The following VEPH1 variants were observed in gnomAD, a reference collection of about 807,000 sequenced individuals.
The protein encoded by VEPH1 is ventricular zone-expressed PH domain-containing protein homolog 1.
A neutral mutation model predicts 85.2 loss-of-function variants in VEPH1; 80 were observed. The ratio of observed to expected loss-of-function variants is 0.94; its 90% CI spans 0.78 to 1.13. The LOEUF (loss-of-function observed/expected upper bound fraction) is 1.13, where lower values mean the gene tolerates loss of function less well. Ranked by LOEUF, VEPH1 falls within the 50% of genes most tolerant of loss-of-function variation. The pLI, the probability that VEPH1 is intolerant of heterozygous loss-of-function variation, is 0.00. For synonymous variants in VEPH1, 297 were observed against 348.0 expected (o/e 0.85, Z 1.63); for missense variants, 955 against 980.5 (o/e 0.97, Z 0.35).
intron 6 of VEPH1, among the ~76,000 whole-genome samples, chr3:157,408,948 G>A (rs1731336281): frequency 6.6e-6 from 1 of 152,084 alleles, no homozygotes; most frequent in Non-Finnish European, 1.5e-5. Context: ...ATAACCCATA[G>A]GCAGTGGATG....
At chr3:157,424,725 G>C (rs1293744270) in intron 5 of VEPH1, among the ~76,000 whole-genome samples, 1 of 152,178 alleles carries the variant, frequency 6.6e-6, no homozygotes, top group Non-Finnish European at 1.5e-5. Context: ...ATTATTAAGG[G>C]TATCTGGCAA....
At chr3:157,442,298 A>G (rs1008812099) in intron 4 of VEPH1, 31 of 1,325,392 alleles carry the variant, frequency 2.3e-5, no homozygotes, top group Non-Finnish European at 3.0e-5. Context: ...TTAAATAACT[A>G]ATGCCAGAAT....
At chr3:157,432,335 C>A (rs1221815049) in intron 4 of VEPH1, among the ~76,000 whole-genome samples, 1 of 151,930 alleles carries the variant, frequency 6.6e-6, no homozygotes, top group African/African-American at 2.4e-5. Flanking sequence ...CAACTGTTTT[C>A]ATTTTTTTAC....
intron 2 of VEPH1, chr3:157,489,099 T>C (rs948327515): frequency 6.6e-6 from 3 of 456,366 alleles, no homozygotes; most frequent in East Asian, 7.0e-5. Context: ...CTTCTTCTTA[T>C]CTGAATTATT....
intron 11 of VEPH1, among the ~76,000 whole-genome samples, chr3:157,297,859 A>G (rs1718328852): frequency 6.6e-6 from 1 of 152,202 alleles, no homozygotes; most frequent in Admixed American, 6.5e-5. Context: ...GAGACGGGAA[A>G]TAACAAGGTG....
At chr3:157,493,208 G>A (rs1339575812) in intron 2 of VEPH1, 2 of 455,702 alleles carry the variant, frequency 4.4e-6, no homozygotes, top group South Asian at 1.6e-5. Context: ...CATTGCAAGT[G>A]CAGGAGAAGC....
chr3:157,493,517 A>T (rs1379450941), intron 2 of VEPH1, among the ~76,000 whole-genome samples: 6 of 152,194 alleles, frequency 3.9e-5, no homozygotes, highest in Non-Finnish European at 8.8e-5. Context: ...ATTACAAGCT[A>T]CCATTCTTCT....
At chr3:157,310,113 T>C (rs1719948751) in intron 11 of VEPH1, among the ~76,000 whole-genome samples, 1 of 152,236 alleles carries the variant, frequency 6.6e-6, no homozygotes, top group Non-Finnish European at 1.5e-5. Flanking sequence ...TTGAATTTTA[T>C]AATGAAAATT....
chr3:157,306,537 G>A (rs1050101416), intron 11 of VEPH1, among the ~76,000 whole-genome samples: 2 of 150,744 alleles, frequency 1.3e-5, no homozygotes, highest in African/African-American at 4.9e-5. Context: ...ATACCACAAC[G>A]TTTTTTTTCC....
chr3:157,440,618 A>C (rs1426018493), intron 4 of VEPH1, among the ~76,000 whole-genome samples: 3 of 152,116 alleles, frequency 2.0e-5, no homozygotes, highest in Non-Finnish European at 4.4e-5. Context: ...ATTTATATAC[A>C]TATATGTATG....
chr3:157,434,821 C>T (rs543610019), intron 4 of VEPH1, among the ~76,000 whole-genome samples: 111 of 151,914 alleles, frequency 7.3e-4, no homozygotes, highest in African/African-American at 2.2e-3. Context: ...ACCTTCTATT[C>T]GGATGCCTAT....
At chr3:157,353,643 A>G (rs1032369476) in intron 9 of VEPH1, among the ~76,000 whole-genome samples, 1 of 151,590 alleles carries the variant, frequency 6.6e-6, no homozygotes, top group African/African-American at 2.4e-5. Flanking sequence ...CTCCCTCCAA[A>G]TTTGTACATA....
intron 4 of VEPH1, among the ~76,000 whole-genome samples, chr3:157,451,444 T>A (rs1047552092): frequency 6.6e-6 from 1 of 152,138 alleles, no homozygotes; most frequent in Non-Finnish European, 1.5e-5. Flanking sequence ...TCTAAACAAC[T>A]TGAATAAAAT....
At position 157,275,679 on chromosome 3, in the gene VEPH1, C is replaced by A. The variant is rs1406766666; in HGVS notation, c.2129-10017G>T. Among the ~76,000 whole-genome samples, 3 of 151,982 alleles carry A rather than the reference C, an allele frequency of 2.0e-5. No individual in the cohort carries two copies. The East Asian group carries it at 5.8e-4, about 29-fold the overall frequency. ...GATTAGATATTGAAATATAAATTAA[C>A]TCCAAATTCTTAGTTTTTAAGTAAG... On this transcript the variant is annotated intron_variant, in intron 12 of 13. Coordinates refer to ENST00000362010, the MANE Select transcript of VEPH1 (RefSeq NM_001167912.2).
At chr3:157,291,672 G>A (rs547548504) in intron 11 of VEPH1, among the ~76,000 whole-genome samples, 1 of 152,268 alleles carries the variant, frequency 6.6e-6, no homozygotes, top group African/African-American at 2.4e-5. Context: ...AGCTTCTTCT[G>A]GTGTGATGTT....
chr3:157,419,041 T>C (rs753786342), intron 5 of VEPH1, among the ~76,000 whole-genome samples: 13 of 152,082 alleles, frequency 8.5e-5, no homozygotes, highest in Non-Finnish European at 1.6e-4. Flanking sequence ...TCCACAACTA[T>C]CTGATCTTCA....
intron 12 of VEPH1, among the ~76,000 whole-genome samples, chr3:157,270,097 A>G (rs1027884717): frequency 6.6e-6 from 1 of 152,028 alleles, no homozygotes; most frequent in Non-Finnish European, 1.5e-5. Context: ...CTACAGAAAA[A>G]TAAAATAAAA....
chr3:157,390,861 G>A (rs547876863), intron 6 of VEPH1, among the ~76,000 whole-genome samples: 11 of 152,350 alleles, frequency 7.2e-5, no homozygotes, highest in African/African-American at 2.4e-4. Context: ...AGCCAGAGCT[G>A]TGACACGCTG....
At chr3:157,360,438 TTC>T (rs2108759424) in intron 9 of VEPH1, among the ~76,000 whole-genome samples, 1 of 152,296 alleles carries the variant, frequency 6.6e-6, no homozygotes, top group South Asian at 2.1e-4. Context: ...AAAGAAAGTA[TTC>T]TTTTTTTTTA....
Sources: gnomAD v4.1 joint callset for allele counts (sites outside exome capture counted in the v4.1 genomes callset) on GRCh38, gnomAD v4.1.1 for gene constraint, MANE v1.5 for transcripts, NCBI Gene and HGNC (gene_info 2026-07-23, HGNC 2026-07-21) for gene names.